GSK3B: variants seen among roughly 807,000 people sequenced by gnomAD.
The protein encoded by GSK3B is glycogen synthase kinase-3 beta.
Under a neutral mutation model 56.4 loss-of-function variants are expected in GSK3B, and 15 were observed. The ratio of observed to expected loss-of-function variants is 0.27; its 90% CI spans 0.18 to 0.41. The LOEUF (loss-of-function observed/expected upper bound fraction) is 0.41, where lower values mean the gene tolerates loss of function less well. Among genes scored for constraint, GSK3B ranks in the 10% least tolerant of loss-of-function variants. The pLI is 1.00. For missense variants in GSK3B, 300 were observed against 513.4 expected, an observed-to-expected ratio of 0.58 and a Z score of 4.02; for synonymous variants, 181 against 188.9, an observed-to-expected ratio of 0.96 and a Z score of 0.34.
chr3:120,035,901 T>C (rs1308636011), intron 1 of GSK3B, among the ~76,000 whole-genome samples: 1 of 152,218 alleles, frequency 6.6e-6, no homozygotes, highest in African/African-American at 2.4e-5. Flanking sequence ...TTAGGATGTT[T>C]CTATAAATAT....
intron 8 of GSK3B, among the ~76,000 whole-genome samples, chr3:119,864,578 GAGA>G (rs1173498789): frequency 1.3e-5 from 2 of 152,204 alleles, no homozygotes; most frequent in Non-Finnish European, 2.9e-5. Flanking sequence ...GAGGTGGGCA[GAGA>G]AGTAGACACT....
chr3:119,845,319 C>A (rs932693161), intron 9 of GSK3B, among the ~76,000 whole-genome samples: 9 of 152,104 alleles, frequency 5.9e-5, no homozygotes, highest in Admixed American at 3.3e-4. Context: ...CTGGCCAGGG[C>A]AATCAGGCAA....
intron 1 of GSK3B, among the ~76,000 whole-genome samples, chr3:120,067,554 T>C (rs2107559956): frequency 6.6e-6 from 1 of 152,346 alleles, no homozygotes; most frequent in South Asian, 2.1e-4. Context: ...GTACAGCTTC[T>C]ACTGAATGCA....
rs78946606 is a variant in GSK3B, at chr3:119,958,230, C to G, written c.283-10879G>C. 6.4e-4 allele frequency among the ~76,000 whole-genome samples: 98 copies of G among 152,290 alleles called. No homozygotes were observed. In the East Asian group the frequency reaches 0.019, roughly 29 times the overall value. ...CGCCATGACTGTAAATTTCCTAAGG[C>G]CTCCCCAGCCATGTGGAACTGTGAA... On this transcript the variant is annotated intron_variant, in intron 2 of 10. Coordinates refer to ENST00000264235, the MANE Select transcript of GSK3B (RefSeq NM_001146156.2).
At position 119,876,556 on chromosome 3, in the gene GSK3B, T is replaced by G. The variant is rs1328861813; in HGVS notation, c.814-48A>C. On this transcript the variant is annotated intron_variant, in intron 7 of 10. Coordinates refer to ENST00000264235, the MANE Select transcript of GSK3B (RefSeq NM_001146156.2). The stretch of plus-strand genomic sequence containing the variant: ...CCATCTTTTCCTATATATTTACAAA[T>G]TTAGTCTCCATGTTTTCAGGCATTG... 11 of 1,030,704 alleles carry G rather than the reference T, an allele frequency of 1.1e-5. 1 individual carries two copies. In the South Asian group the frequency reaches 1.4e-4, roughly 13 times the overall value. The allele number at this position is 1,030,704 out of a possible 1,614,324, so 63.8% of individuals were successfully genotyped here. A position where few individuals can be genotyped will look rare whatever the true frequency, so the allele number is the denominator to read the frequency against.
In GSK3B at chr3:119,900,103, T is replaced by C. The variant is rs190275812; in HGVS notation, c.813+5652A>G. 3.9e-5 allele frequency among the ~76,000 whole-genome samples: 6 copies of C among 152,224 alleles called. No individual in the cohort carries two copies. The East Asian group carries it at 1.2e-3, about 29-fold the overall frequency. ...AAACAGTAGTTTAGTAAAGCTGTAT[T>C]ACAAAAGAAATTAAGAAAATTTAAT... On this transcript the variant is annotated intron_variant, in intron 7 of 10. Transcript: ENST00000264235.
rs926684114 is a variant in GSK3B, at chr3:119,998,691, G to A, written c.282+3355C>T. Among the ~76,000 whole-genome samples the A allele has an allele frequency of 5.8e-4, 88 of 152,140 alleles. 1 individual carries two copies. The highest frequency in any genetic ancestry group is 2.2e-4 in the Non-Finnish European group (15 of 68,026). Reference sequence around the variant, plus strand: ...TTTCAGGGCCAGGCATGATGATTCAGACCATAATCCCACCACTTTAGGAAG... The same window carrying A: ...TTTCAGGGCCAGGCATGATGATTCAAACCATAATCCCACCACTTTAGGAAG... On this transcript the variant is annotated intron_variant, in intron 2 of 10. Transcript: ENST00000264235.
chr3:119,937,615 A>T (rs951224377), intron 3 of GSK3B, among the ~76,000 whole-genome samples: 5 of 152,110 alleles, frequency 3.3e-5, no homozygotes, highest in Non-Finnish European at 5.9e-5. Flanking sequence ...GACTTACGGG[A>T]TGCAGCAAAG....
intron 7 of GSK3B, among the ~76,000 whole-genome samples, chr3:119,900,850 G>A (rs957959318): frequency 6.6e-6 from 1 of 152,016 alleles, no homozygotes; most frequent in African/African-American, 2.4e-5. Flanking sequence ...TAAATAAAAA[G>A]AAAATATAGT....
chr3:119,978,836 G>A lies in GSK3B; in HGVS notation c.282+23210C>T, dbSNP rs1025917307. On this transcript the variant is annotated intron_variant, in intron 2 of 10. Coordinates refer to ENST00000264235, the MANE Select transcript of GSK3B (RefSeq NM_001146156.2). Reference sequence around the variant, plus strand: ...CAGGAAAAGTCAGGTCAGCCATCCCGGTCCTCAGAGGACCAGCAGGACTAA... The same window carrying A: ...CAGGAAAAGTCAGGTCAGCCATCCCAGTCCTCAGAGGACCAGCAGGACTAA... Among the ~76,000 whole-genome samples the A allele has an allele frequency of 5.9e-5, 9 of 152,172 alleles. 1 individual carries two copies. The South Asian group carries it at 6.2e-4, about 11-fold the overall frequency.
chr3:120,077,848 C>A (rs987773482), intron 1 of GSK3B, among the ~76,000 whole-genome samples: 1 of 144,652 alleles, frequency 6.9e-6, no homozygotes, highest in East Asian at 2.0e-4. Context: ...TCTTCCTTTA[C>A]TTCAAGTCTG....
At chr3:119,988,123 C>T (rs1489187999) in intron 2 of GSK3B, among the ~76,000 whole-genome samples, 1 of 152,094 alleles carries the variant, frequency 6.6e-6, no homozygotes, top group Non-Finnish European at 1.5e-5. Context: ...ACACTGGAGA[C>T]TGTAACATCA....
chr3:119,897,337 T>C (rs1446571145), intron 7 of GSK3B, among the ~76,000 whole-genome samples: 1 of 152,148 alleles, frequency 6.6e-6, no homozygotes, highest in Non-Finnish European at 1.5e-5. Flanking sequence ...ATGGAAAACA[T>C]TATACTAATG....
In GSK3B at chr3:119,824,127, T is replaced by G. The variant is rs1157595693; in HGVS notation, c.*2661A>C. 1 of 201,774 alleles carries G rather than the reference T, an allele frequency of 5.0e-6. No homozygotes were observed. The highest frequency in any genetic ancestry group is 1.0e-5 in the Non-Finnish European group (1 of 98,046). 12.5% of individuals were successfully genotyped at this position (201,774 alleles called of 1,614,324 possible). A position where few individuals can be genotyped will look rare whatever the true frequency, so the allele number is the denominator to read the frequency against. On this transcript the variant is annotated 3_prime_UTR_variant, in exon 11 of 11. Coordinates refer to ENST00000264235, the MANE Select transcript of GSK3B (RefSeq NM_001146156.2). Reference sequence around the variant, plus strand: ...CTTTTTGCTCATTAATAACAGTTCCTGGGTCCACATATTTACATACAAAAC... The same window carrying G: ...CTTTTTGCTCATTAATAACAGTTCCGGGGTCCACATATTTACATACAAAAC...
At chr3:119,906,563 T>C (rs2056684666) in intron 6 of GSK3B, among the ~76,000 whole-genome samples, 1 of 152,096 alleles carries the variant, frequency 6.6e-6, no homozygotes. Context: ...ATGGTTTATA[T>C]GTTGTCCTGG....
At chr3:119,949,669 C>A (rs559006673) in intron 2 of GSK3B, among the ~76,000 whole-genome samples, 12 of 151,388 alleles carry the variant, frequency 7.9e-5, no homozygotes, top group African/African-American at 2.9e-4. Context: ...AGGTTTTGAC[C>A]AGGAAAGTGA....
intron 2 of GSK3B, among the ~76,000 whole-genome samples, chr3:119,973,645 G>A (rs1400605417): frequency 6.6e-6 from 1 of 152,184 alleles, no homozygotes; most frequent in Non-Finnish European, 1.5e-5. Context: ...AATATTTTGA[G>A]AGAGAGGGAG....
intron 9 of GSK3B, among the ~76,000 whole-genome samples, chr3:119,859,869 A>G (rs1286188666): frequency 6.6e-6 from 1 of 152,112 alleles, no homozygotes; most frequent in East Asian, 1.9e-4. Context: ...GAGTTACTAA[A>G]TCACTGCTTC....
At chr3:119,846,354 G>A (rs1418706837) in intron 9 of GSK3B, among the ~76,000 whole-genome samples, 1 of 151,822 alleles carries the variant, frequency 6.6e-6, no homozygotes, top group African/African-American at 2.4e-5. Flanking sequence ...ATCAGAACAG[G>A]CAACCTACAG....
Sources: allele counts gnomAD v4.1 joint callset (sites outside exome capture counted in the v4.1 genomes callset), GRCh38; gene constraint gnomAD v4.1.1; transcripts MANE v1.5; gene names NCBI Gene and HGNC (gene_info 2026-07-23, HGNC 2026-07-21).